IMMP2L: variants seen among roughly 807,000 people sequenced by gnomAD.
The protein encoded by IMMP2L is inner mitochondrial membrane peptidase subunit 2, also known as mitochondrial inner membrane protease subunit 2.
A neutral mutation model predicts 19.3 loss-of-function variants in IMMP2L; 18 were observed. The ratio of observed to expected loss-of-function variants is 0.93; its 90% CI spans 0.64 to 1.38. The LOEUF (loss-of-function observed/expected upper bound fraction) is 1.38, where lower values mean the gene tolerates loss of function less well. Ranked by LOEUF, IMMP2L falls within the 40% of genes most tolerant of loss-of-function variation. The pLI is 0.00. For missense variants in IMMP2L, 233 were observed against 218.2 expected (o/e 1.07, Z -0.43); for synonymous variants, 76 against 73.0 (o/e 1.04, Z -0.21).
At chr7:111,053,011 G>C (rs1184756781) in intron 3 of IMMP2L, among the ~76,000 whole-genome samples, 1 of 152,158 alleles carries the variant, frequency 6.6e-6, no homozygotes, top group Non-Finnish European at 1.5e-5. Context: ...AATCCATACA[G>C]GTCTACAGGA....
In IMMP2L at chr7:110,760,811, G is replaced by A. The variant is rs535242416; in HGVS notation, c.409-97090C>T. ...ACACCTATTTCTTACTACAAGTGTA[G>A]AACGCCAGATAGGATCATCACAGTA... On this transcript the variant is annotated intron_variant, in intron 5 of 5. Transcript: ENST00000405709. The surrounding 1 kb of genome is among the most constrained non-coding windows in gnomAD (Gnocchi z 4.2). Among the ~76,000 whole-genome samples, 1 of 152,170 alleles carries A rather than the reference G, an allele frequency of 6.6e-6. No homozygotes were observed. Among genetic ancestry groups the A allele is most frequent in the African/African-American group, 2.4e-5 (1 of 41,532 alleles).
At chr7:111,273,766 T>G (rs1486651037) in intron 3 of IMMP2L, among the ~76,000 whole-genome samples, 38 of 151,980 alleles carry the variant, frequency 2.5e-4, no homozygotes, top group Admixed American at 2.5e-3. Context: ...AAATATTACA[T>G]GGAATATTTC....
At chr7:111,115,984 T>C (rs915007323) in intron 3 of IMMP2L, among the ~76,000 whole-genome samples, 1 of 152,184 alleles carries the variant, frequency 6.6e-6, no homozygotes, top group Admixed American at 6.5e-5. Context: ...GCCGGAATTA[T>C]TGTTTAAAGA....
At chr7:111,534,442 C>A (rs558514954) in intron 1 of IMMP2L, among the ~76,000 whole-genome samples, 3 of 152,028 alleles carry the variant, frequency 2.0e-5, no homozygotes, top group Admixed American at 6.6e-5. Context: ...TCATCCTCAT[C>A]GTCATCCTTA....
intron 3 of IMMP2L, among the ~76,000 whole-genome samples, chr7:110,995,758 C>A (rs1472542533): frequency 6.6e-6 from 1 of 152,090 alleles, no homozygotes; most frequent in East Asian, 1.9e-4. Context: ...TATGCTACAT[C>A]TCTCCCCCAG....
At chr7:110,976,109 A>T (rs2129557289) in intron 3 of IMMP2L, among the ~76,000 whole-genome samples, 1 of 152,166 alleles carries the variant, frequency 6.6e-6, no homozygotes, top group Middle Eastern at 3.4e-3. Flanking sequence ...CAGCCCTGAT[A>T]ATATGTAACA....
intron 1 of IMMP2L, among the ~76,000 whole-genome samples, chr7:111,550,973 G>C (rs1849398583): frequency 6.6e-6 from 1 of 152,112 alleles, no homozygotes; most frequent in African/African-American, 2.4e-5. Context: ...AAGGAGAAAA[G>C]AATCCTGAGT....
intron 1 of IMMP2L, 62 bp downstream of exon 1, chr7:111,561,789 T>G (rs1792099691): frequency 6.6e-6 from 1 of 152,594 alleles, no homozygotes; most frequent in South Asian, 2.1e-4. Context: ...AGCCCTTCTC[T>G]CTCTCGCTCG....
At chr7:111,228,329 T>C (rs2129622988) in intron 3 of IMMP2L, among the ~76,000 whole-genome samples, 1 of 151,822 alleles carries the variant, frequency 6.6e-6, no homozygotes, top group African/African-American at 2.4e-5. Context: ...CTTAACTTGA[T>C]AAAGTCAAGT....
intron 4 of IMMP2L, among the ~76,000 whole-genome samples, chr7:110,944,362 T>C (rs907530684): frequency 2.0e-5 from 3 of 151,906 alleles, no homozygotes; most frequent in African/African-American, 7.2e-5. Context: ...TGGAGAAGGA[T>C]CTGCCACATT....
intron 3 of IMMP2L, among the ~76,000 whole-genome samples, chr7:111,445,731 G>A (rs941879315): frequency 1.3e-5 from 2 of 151,986 alleles, no homozygotes; most frequent in Admixed American, 6.6e-5. Flanking sequence ...GAACAGCTCC[G>A]GTCTACAGCT....
At chr7:111,156,478 T>C (rs1267968121) in intron 3 of IMMP2L, among the ~76,000 whole-genome samples, 1 of 152,156 alleles carries the variant, frequency 6.6e-6, no homozygotes, top group African/African-American at 2.4e-5. Context: ...ACCTGGTTAC[T>C]CTTGGGCGTT....
chr7:111,456,466 T>C (rs537870216), intron 3 of IMMP2L, among the ~76,000 whole-genome samples: 25 of 152,114 alleles, frequency 1.6e-4, no homozygotes, highest in Non-Finnish European at 1.8e-4. Flanking sequence ...TCATAAGGCT[T>C]TTTGCCTAAA....
intron 3 of IMMP2L, among the ~76,000 whole-genome samples, chr7:111,285,220 G>C (rs1406814275): frequency 6.6e-6 from 1 of 152,176 alleles, no homozygotes; most frequent in African/African-American, 2.4e-5. Context: ...TGCAATTACA[G>C]AGGGCTTTTA....
intron 5 of IMMP2L, among the ~76,000 whole-genome samples, chr7:110,739,025 AC>A (rs2130858155): frequency 6.6e-6 from 1 of 152,360 alleles, no homozygotes; most frequent in South Asian, 2.1e-4. Context: ...AGAATTCGCC[AC>A]TACCAAGCCA....
At chr7:111,160,506 T>C (rs1438401911) in intron 3 of IMMP2L, among the ~76,000 whole-genome samples, 1 of 151,884 alleles carries the variant, frequency 6.6e-6, no homozygotes, top group African/African-American at 2.4e-5. Flanking sequence ...GTGAGTAAAT[T>C]AATTAACATC....
chr7:111,225,651 A>G (rs1813005151), intron 3 of IMMP2L, among the ~76,000 whole-genome samples: 1 of 151,398 alleles, frequency 6.6e-6, no homozygotes, highest in Non-Finnish European at 1.5e-5. Context: ...AGTGCTATAA[A>G]ATACTCATCC....
chr7:111,120,536 C>T (rs981574750), intron 3 of IMMP2L, among the ~76,000 whole-genome samples: 19 of 152,028 alleles, frequency 1.2e-4, no homozygotes, highest in South Asian at 2.1e-4. Context: ...GAGATTTGGG[C>T]GGGGACACAG....
At chr7:111,403,061 G>A (rs753155716) in intron 3 of IMMP2L, among the ~76,000 whole-genome samples, 3 of 130,130 alleles carry the variant, frequency 2.3e-5, no homozygotes, top group Non-Finnish European at 4.7e-5. Flanking sequence ...TGGGACTACA[G>A]GTGCAAGCTA....
Sources: gnomAD v4.1 joint callset for allele counts (sites outside exome capture counted in the v4.1 genomes callset) on GRCh38, gnomAD v4.1.1 for gene constraint, Gnocchi (gnomAD v3.1) non-coding constraint, MANE v1.5 for transcripts, NCBI Gene and HGNC (gene_info 2026-07-23, HGNC 2026-07-21) for gene names.